The following THSD4 variants were observed in gnomAD, a reference collection of about 807,000 sequenced individuals.
THSD4 encodes the protein thrombospondin type-1 domain-containing protein 4.
Under a neutral mutation model 119.0 loss-of-function variants are expected in THSD4, and 69 were observed. The observed-to-expected ratio is 0.58, with a 90% CI of 0.48 to 0.71. The LOEUF (loss-of-function observed/expected upper bound fraction) is 0.71. THSD4 is among the 30% of genes least tolerant of loss of function. The pLI is 0.00. For synonymous variants in THSD4, 524 were observed against 540.4 expected, an observed-to-expected ratio of 0.97 and a Z score of 0.42; for missense variants, 1,393 against 1,391.1, an observed-to-expected ratio of 1.00 and a Z score of -0.02.
chr15:71,203,413 G>A (rs554946012), intron 3 of THSD4, among the ~76,000 whole-genome samples: 35 of 152,134 alleles, frequency 2.3e-4, no homozygotes, highest in Non-Finnish European at 4.1e-4. Context: ...TCAGCACTTT[G>A]GGAGGCCAAG....
chr15:71,332,220 A>C (rs925280126), intron 6 of THSD4, among the ~76,000 whole-genome samples: 2 of 152,172 alleles, frequency 1.3e-5, no homozygotes, highest in African/African-American at 4.8e-5. Flanking sequence ...TGGTGCCCAC[A>C]CAGCTACAGT....
At chr15:71,167,855 A>G (rs2043309090) in intron 3 of THSD4, among the ~76,000 whole-genome samples, 1 of 152,236 alleles carries the variant, frequency 6.6e-6, no homozygotes, top group Non-Finnish European at 1.5e-5. Flanking sequence ...GCATTTCTAC[A>G]GTGTAAGTTA....
At chr15:71,718,645 T>C (rs2052655943) in intron 8 of THSD4, among the ~76,000 whole-genome samples, 1 of 152,104 alleles carries the variant, frequency 6.6e-6, no homozygotes, top group South Asian at 2.1e-4. Flanking sequence ...TCCAAACTCA[T>C]CTCCAGGGGC....
chr15:71,671,490 T>C (rs1227459926), intron 8 of THSD4, among the ~76,000 whole-genome samples: 2 of 152,236 alleles, frequency 1.3e-5, no homozygotes, highest in African/African-American at 4.8e-5. Flanking sequence ...TGAGTTCAAT[T>C]AGATCCCATT....
At chr15:71,184,381 G>A (rs1050752853) in intron 3 of THSD4, among the ~76,000 whole-genome samples, 1 of 151,768 alleles carries the variant, frequency 6.6e-6, no homozygotes, top group African/African-American at 2.4e-5. Flanking sequence ...TGTGAGATGG[G>A]ACAGCATGGT....
chr15:71,714,986 G>T (rs1288081837), intron 8 of THSD4, among the ~76,000 whole-genome samples: 1 of 152,188 alleles, frequency 6.6e-6, no homozygotes, highest in Non-Finnish European at 1.5e-5. Flanking sequence ...TGGACAAGCT[G>T]CCATCATTAG....
chr15:71,292,723 C>T (rs1438437668), intron 6 of THSD4, among the ~76,000 whole-genome samples: 1 of 145,920 alleles, frequency 6.9e-6, no homozygotes, highest in Non-Finnish European at 1.5e-5. Context: ...GTCGCCCAGG[C>T]TGGAGCACAG....
chr15:71,559,556 C>T (rs2049078003), intron 7 of THSD4, among the ~76,000 whole-genome samples: 1 of 128,076 alleles, frequency 7.8e-6, no homozygotes, highest in Admixed American at 8.9e-5. Context: ...TTTTATCCTT[C>T]TTTTCCTCCT....
chr15:71,585,780 T>TTG (rs149153980), intron 7 of THSD4, among the ~76,000 whole-genome samples: 39 of 152,050 alleles, frequency 2.6e-4, no homozygotes, highest in Non-Finnish European at 4.3e-4. Flanking sequence ...TTTATTCTTT[T>TTG]TGTGTGTGTG....
intron 6 of THSD4, among the ~76,000 whole-genome samples, chr15:71,347,299 C>T (rs2045677488): frequency 2.0e-5 from 3 of 152,144 alleles, no homozygotes; most frequent in Admixed American, 2.0e-4. Flanking sequence ...TTTCACATCA[C>T]CACTGTCCCC....
At chr15:71,207,875 T>C (rs541250835) in intron 3 of THSD4, among the ~76,000 whole-genome samples, 67 of 152,314 alleles carry the variant, frequency 4.4e-4, no homozygotes, top group African/African-American at 1.3e-3. Context: ...GCCAAAAAGG[T>C]TGGGGACCAC....
upstream of THSD4, chr15:71,111,439 G>A (rs753839276): frequency 1.4e-4 from 216 of 1,587,320 alleles, 2 homozygotes; most frequent in South Asian, 1.0e-3. Flanking sequence ...GGAGGAGGAA[G>A]AAAAAGGACT....
intron 7 of THSD4, among the ~76,000 whole-genome samples, chr15:71,528,869 T>C (rs1337643737): frequency 6.6e-6 from 1 of 152,234 alleles, no homozygotes; most frequent in Non-Finnish European, 1.5e-5. Flanking sequence ...ATGATCAATT[T>C]ATTACTAATA....
intron 7 of THSD4, among the ~76,000 whole-genome samples, chr15:71,556,383 C>CTTG (rs34680024): frequency 0.82 from 124,990 of 151,700 alleles, 51,808 homozygotes; most frequent in African/African-American, 0.88. Flanking sequence ...TCCTAGGTTC[C>CTTG]TTATTTTTAT....
chr15:71,738,648 T>C (rs1171623937), intron 11 of THSD4, among the ~76,000 whole-genome samples: 1 of 152,220 alleles, frequency 6.6e-6, no homozygotes, highest in Non-Finnish European at 1.5e-5. Flanking sequence ...AGGGATGCAC[T>C]TAATTCTCTC....
At chr15:71,587,065 A>T (rs1478030852) in intron 7 of THSD4, among the ~76,000 whole-genome samples, 1 of 151,780 alleles carries the variant, frequency 6.6e-6, no homozygotes, top group African/African-American at 2.4e-5. Flanking sequence ...AATCAAAACC[A>T]CTATGAGATA....
At chr15:71,764,996 A>T (rs1384528348) in intron 15 of THSD4, 24 bp from the exon 16 acceptor site, 2 of 1,604,572 alleles carry the variant, frequency 1.2e-6, no homozygotes, top group East Asian at 2.2e-5. Context: ...TGTGACACTC[A>T]TCTTTTTCTG....
At chr15:71,255,739 C>G (rs1167924297) in intron 5 of THSD4, among the ~76,000 whole-genome samples, 2 of 152,228 alleles carry the variant, frequency 1.3e-5, no homozygotes, top group Non-Finnish European at 2.9e-5. Flanking sequence ...GGCTGTGTGA[C>G]TCCTCCATGC....
intron 4 of THSD4, among the ~76,000 whole-genome samples, chr15:71,220,436 A>G (rs1427375225): frequency 6.6e-6 from 1 of 152,236 alleles, no homozygotes; most frequent in African/African-American, 2.4e-5. Flanking sequence ...AGCTCTCCCA[A>G]GGATTCCGAG....
Sources: gnomAD v4.1 joint callset for allele counts (sites outside exome capture counted in the v4.1 genomes callset) on GRCh38, gnomAD v4.1.1 for gene constraint, MANE v1.5 for transcripts, NCBI Gene and HGNC (gene_info 2026-07-23, HGNC 2026-07-21) for gene names.